NRG1: variants seen among roughly 807,000 people sequenced by gnomAD.
The protein encoded by NRG1 is neuregulin 1.
A neutral mutation model predicts 63.8 loss-of-function variants in NRG1; 18 were observed. The ratio of observed to expected loss-of-function variants is 0.28; its 90% CI spans 0.19 to 0.42. The LOEUF (loss-of-function observed/expected upper bound fraction) is 0.42. NRG1 is among the 10% of genes least tolerant of loss of function. The pLI is 1.00. For missense variants in NRG1, 762 were observed against 814.7 expected, an observed-to-expected ratio of 0.94 and a Z score of 0.79; for synonymous variants, 302 against 301.3, an observed-to-expected ratio of 1.00 and a Z score of -0.02.
rs548674337 is a variant in NRG1, at chr8:32,067,297, C to T, written c.37+427866C>T. ...TCAAAGGGAATGCTTCCAGTTTTTG[C>T]CCATTCAGTATGATATTGGCCGTGG... On this transcript the variant is annotated intron_variant, in intron 1 of 10. Transcript: ENST00000519301. Among the ~76,000 whole-genome samples, 18 of 152,220 alleles carry T rather than the reference C, an allele frequency of 1.2e-4. No individual in the cohort carries two copies. The South Asian group carries it at 3.7e-3, about 32-fold the overall frequency.
intron 1 of NRG1, among the ~76,000 whole-genome samples, chr8:31,845,675 CAA>C (rs1826625147): frequency 6.6e-6 from 1 of 151,994 alleles, no homozygotes; most frequent in African/African-American, 2.4e-5. Context: ...GCATTCTGAC[CAA>C]AGACTTTTGG....
At chr8:31,691,367 G>A (rs1412362345) in intron 1 of NRG1, among the ~76,000 whole-genome samples, 1 of 152,122 alleles carries the variant, frequency 6.6e-6, no homozygotes, top group Non-Finnish European at 1.5e-5. Context: ...CAGCACTTTG[G>A]GAGGCTGAGG....
intron 1 of NRG1, among the ~76,000 whole-genome samples, chr8:32,267,922 T>G (rs2129472177): frequency 6.6e-6 from 1 of 152,332 alleles, no homozygotes; most frequent in African/African-American, 2.4e-5. Context: ...CCCTGACTCC[T>G]GAAGTTCACT....
chr8:31,757,433 G>A (rs1199298329), intron 1 of NRG1, among the ~76,000 whole-genome samples: 1 of 152,034 alleles, frequency 6.6e-6, no homozygotes, highest in African/African-American at 2.4e-5. Context: ...ACTAAATCAG[G>A]ACATTAGTTT....
intron 1 of NRG1, among the ~76,000 whole-genome samples, chr8:32,394,684 T>G (rs993908706): frequency 6.6e-6 from 1 of 152,194 alleles, no homozygotes; most frequent in Non-Finnish European, 1.5e-5. Context: ...CTGGACATTT[T>G]TGAACTTACG....
rs576958156 is a variant in NRG1, at chr8:31,740,779, T to C, written c.37+101348T>C. On this transcript the variant is annotated intron_variant, in intron 1 of 10. Coordinates refer to the NRG1 transcript ENST00000519301. ...ATGAGGGCAGAGGTGTGGTAAGCAA[T>C]TGATCTGGCAAAATCTTGAAAGTTA... Among the ~76,000 whole-genome samples, 12 of 152,032 alleles carry C rather than the reference T, an allele frequency of 7.9e-5. No individual in the cohort carries two copies. In the South Asian group the frequency reaches 1.5e-3, roughly 18 times the overall value.
At chr8:32,011,534 G>A (rs555029992) in intron 1 of NRG1, among the ~76,000 whole-genome samples, 180 of 152,042 alleles carry the variant, frequency 1.2e-3, no homozygotes, top group Non-Finnish European at 2.0e-3. Flanking sequence ...CTGTAGTCAC[G>A]TCCTGTCACT....
At chr8:32,396,672 T>G (rs2129484324) in intron 1 of NRG1, among the ~76,000 whole-genome samples, 1 of 152,302 alleles carries the variant, frequency 6.6e-6, no homozygotes, top group Admixed American at 6.5e-5. Context: ...AGTGTTGAAC[T>G]CCTGACCTCA....
At chr8:32,089,032 C>T (rs1193792781) in intron 1 of NRG1, among the ~76,000 whole-genome samples, 7 of 152,080 alleles carry the variant, frequency 4.6e-5, no homozygotes, top group Non-Finnish European at 5.9e-5. Flanking sequence ...AGGTCCCTGT[C>T]AAAATGTTTG....
chr8:32,450,400 G>A (rs1011295030), intron 1 of NRG1, among the ~76,000 whole-genome samples: 2 of 151,952 alleles, frequency 1.3e-5, no homozygotes, highest in African/African-American at 2.4e-5. Flanking sequence ...GGGTGACACA[G>A]TGAGACCTCA....
intron 1 of NRG1, among the ~76,000 whole-genome samples, chr8:32,107,862 A>T (rs1221130035): frequency 2.0e-5 from 3 of 152,176 alleles, no homozygotes; most frequent in Non-Finnish European, 4.4e-5. Flanking sequence ...AATATGTATA[A>T]GTGCTTCTTT....
At chr8:32,346,034 T>G (rs1027021095) in intron 1 of NRG1, among the ~76,000 whole-genome samples, 2 of 148,002 alleles carry the variant, frequency 1.4e-5, no homozygotes, top group Non-Finnish European at 3.0e-5. Context: ...AATGTATATA[T>G]AGATATAAAT....
intron 1 of NRG1, among the ~76,000 whole-genome samples, chr8:32,526,986 A>C (rs1830915675): frequency 6.6e-6 from 1 of 151,890 alleles, no homozygotes; most frequent in Non-Finnish European, 1.5e-5. Context: ...TATATTGATG[A>C]CTCTTACATT....
chr8:32,207,790 A>T (rs1218375249), intron 1 of NRG1, among the ~76,000 whole-genome samples: 1 of 152,204 alleles, frequency 6.6e-6, no homozygotes, highest in Admixed American at 6.5e-5. Flanking sequence ...CCAATCATTT[A>T]TGGTGAATAG....
chr8:32,165,243 A>G (rs1422403229), intron 1 of NRG1, among the ~76,000 whole-genome samples: 1 of 151,962 alleles, frequency 6.6e-6, no homozygotes, highest in Non-Finnish European at 1.5e-5. Context: ...GGCTCAAACA[A>G]TCTTCCTACC....
chr8:31,865,933 C>A (rs746876494), intron 1 of NRG1, among the ~76,000 whole-genome samples: 1 of 152,070 alleles, frequency 6.6e-6, no homozygotes, highest in Non-Finnish European at 1.5e-5. Context: ...ATTTTGAGAT[C>A]TTATTGTTTG....
intron 1 of NRG1, among the ~76,000 whole-genome samples, chr8:32,300,634 G>T (rs16879118): frequency 0.026 from 4,008 of 152,274 alleles, 162 homozygotes; most frequent in African/African-American, 0.089. Context: ...CCATTAAGTT[G>T]TCAGGAATAA....
chr8:32,404,198 G>T (rs748190918), intron 1 of NRG1, among the ~76,000 whole-genome samples: 33 of 152,142 alleles, frequency 2.2e-4, no homozygotes, highest in Non-Finnish European at 4.4e-4. Context: ...CTCTGAAAAT[G>T]ATCTCAGTGC....
At chr8:31,665,179 A>C in intron 1 of NRG1, among the ~76,000 whole-genome samples, 2 of 152,102 alleles carry the variant, frequency 1.3e-5, no homozygotes, top group East Asian at 3.9e-4. Context: ...AAACCCTATC[A>C]CTCCCATTTT....
Sources: gnomAD v4.1 joint callset for allele counts (sites outside exome capture counted in the v4.1 genomes callset) on GRCh38, gnomAD v4.1.1 for gene constraint, MANE v1.5 for transcripts, NCBI Gene and HGNC (gene_info 2026-07-23, HGNC 2026-07-21) for gene names.